Variants in LRP1B observed in about 807,000 individuals in gnomAD.
LRP1B encodes the protein low-density lipoprotein receptor-related protein 1B.
In LRP1B, 217 loss-of-function variants were observed where a neutral mutation model predicts 556.6. That is an observed-to-expected ratio of 0.39 (90% CI 0.35 to 0.44). LRP1B has a LOEUF of 0.44. Among genes scored for constraint, LRP1B ranks in the 20% least tolerant of loss-of-function variants. LRP1B has a pLI of 1.00. For missense variants in LRP1B, 5,053 were observed against 5,620.8 expected (o/e 0.90, Z 3.23); for synonymous variants, 2,047 against 1,865.8 (o/e 1.10, Z -2.50).
chr2:140,297,296 T>C (rs1212385946), intron 84 of LRP1B, among the ~76,000 whole-genome samples: 1 of 152,058 alleles, frequency 6.6e-6, no homozygotes, highest in Non-Finnish European at 1.5e-5. Flanking sequence ...GGAGAAAGCA[T>C]TGGAGGTTTC....
intron 2 of LRP1B, among the ~76,000 whole-genome samples, chr2:141,594,045 T>C (rs898208843): frequency 7.9e-5 from 12 of 152,118 alleles, no homozygotes; most frequent in African/African-American, 2.7e-4. Context: ...TACTCTGTCA[T>C]GCCCACCTTT....
At chr2:141,053,268 G>C (rs931822389) in intron 10 of LRP1B, among the ~76,000 whole-genome samples, 13 of 151,894 alleles carry the variant, frequency 8.6e-5, no homozygotes, top group Non-Finnish European at 1.5e-5. Context: ...TGAGGCAAAG[G>C]TCCCCTTTTT....
chr2:141,767,716 T>C (rs1432849985), intron 2 of LRP1B, among the ~76,000 whole-genome samples: 2 of 152,194 alleles, frequency 1.3e-5, no homozygotes, highest in Non-Finnish European at 2.9e-5. Context: ...ATTAAACTCA[T>C]AGCCTGTGGG....
At chr2:140,591,265 G>T (rs903457758) in intron 43 of LRP1B, among the ~76,000 whole-genome samples, 2 of 152,116 alleles carry the variant, frequency 1.3e-5, no homozygotes, top group Non-Finnish European at 2.9e-5. Flanking sequence ...TAATATACTT[G>T]ATTGCAATGT....
rs760075749 is a variant in LRP1B at position 140,495,569 on chromosome 2, G to C, written c.9030C>G (p.Leu3010=). Residue 3010 remains leucine, a synonymous_variant, in exon 56 of 91, where the codon CTC becomes CTG. Transcript: ENST00000389484. ...TGGGCAAGTTCAATTCGATACCTGA[G>C]AGCGATTTGCAGCCATTTGGGTTAT... The part of the protein sequence containing the change: ...QPDNPNGCKS[L]SDEEPFLILA... 2 of 1,581,028 alleles carry C rather than the reference G, an allele frequency of 1.3e-6. No individual in the cohort carries two copies. The highest frequency in any genetic ancestry group is 1.7e-5 in the Admixed American group (1 of 59,712).
chr2:141,429,174 T>A (rs1421909227), intron 3 of LRP1B, among the ~76,000 whole-genome samples: 1 of 152,172 alleles, frequency 6.6e-6, no homozygotes, highest in East Asian at 1.9e-4. Flanking sequence ...CTGTTGTTTC[T>A]GCCCAGTGAT....
chr2:140,315,207 A>G, intron 82 of LRP1B, 108 bp from the exon 83 acceptor site: 2 of 710,600 alleles, frequency 2.8e-6, no homozygotes, highest in Non-Finnish European at 4.3e-6. Context: ...GTTTCCATAA[A>G]ATAATTAACC....
intron 2 of LRP1B, among the ~76,000 whole-genome samples, chr2:141,731,964 C>A (rs1693290120): frequency 6.6e-6 from 1 of 152,054 alleles, no homozygotes; most frequent in Admixed American, 6.6e-5. Context: ...CATATGACAC[C>A]ACTCTATCCC....
chr2:140,568,683 T>G (rs1681213995), intron 43 of LRP1B, among the ~76,000 whole-genome samples: 1 of 152,084 alleles, frequency 6.6e-6, no homozygotes, highest in Admixed American at 6.6e-5. Context: ...TGAAGCACAT[T>G]CTAGTTAAAT....
intron 1 of LRP1B, among the ~76,000 whole-genome samples, chr2:142,117,025 C>T (rs1013524829): frequency 6.6e-6 from 1 of 152,056 alleles, no homozygotes; most frequent in African/African-American, 2.4e-5. Context: ...TTATTTCCTT[C>T]CACATTTCAC....
intron 2 of LRP1B, among the ~76,000 whole-genome samples, chr2:141,764,271 C>T (rs1694661948): frequency 6.6e-6 from 1 of 152,070 alleles, no homozygotes; most frequent in South Asian, 2.1e-4. Context: ...AGCTCCGCCT[C>T]CCGGGTTCAC....
intron 35 of LRP1B, among the ~76,000 whole-genome samples, chr2:140,731,500 T>C (rs921332870): frequency 6.6e-6 from 1 of 151,894 alleles, no homozygotes; most frequent in Non-Finnish European, 1.5e-5. Flanking sequence ...ATATTTTAGA[T>C]TATTGAATCA....
chr2:141,488,975 GT>G (rs70994432), intron 2 of LRP1B, among the ~76,000 whole-genome samples: 41 of 133,604 alleles, frequency 3.1e-4, no homozygotes, highest in South Asian at 7.2e-4. Flanking sequence ...GTTTTTTTTT[GT>G]TTGTTTGTTT....
chr2:141,638,668 A>G (rs1039040214), intron 2 of LRP1B, among the ~76,000 whole-genome samples: 1 of 113,696 alleles, frequency 8.8e-6, no homozygotes, highest in Non-Finnish European at 2.1e-5. Flanking sequence ...AAGTAGATTC[A>G]TTCCTGGACC....
intron 2 of LRP1B, among the ~76,000 whole-genome samples, chr2:141,737,345 C>G (rs1693515697): frequency 6.6e-6 from 1 of 152,118 alleles, no homozygotes. Flanking sequence ...GAGCAAAACT[C>G]TGTCTCAGAA....
intron 52 of LRP1B, among the ~76,000 whole-genome samples, chr2:140,508,187 C>CT (rs1240882978): frequency 6.6e-6 from 1 of 152,112 alleles, no homozygotes; most frequent in East Asian, 1.9e-4. Context: ...TTAATAAGCA[C>CT]TTTTCTCTAC....
chr2:140,958,269 A>T (rs2105311261), intron 18 of LRP1B, among the ~76,000 whole-genome samples: 1 of 151,718 alleles, frequency 6.6e-6, no homozygotes, highest in Admixed American at 6.6e-5. Flanking sequence ...TTGAAATCTG[A>T]TAGGGAATAT....
intron 18 of LRP1B, among the ~76,000 whole-genome samples, chr2:140,966,991 T>C (rs2105323367): frequency 6.6e-6 from 1 of 152,338 alleles, no homozygotes; most frequent in East Asian, 1.9e-4. Flanking sequence ...CCTCCAGCTT[T>C]GTTCTTTTGC....
intron 1 of LRP1B, among the ~76,000 whole-genome samples, chr2:142,053,403 T>A (rs908814879): frequency 6.6e-6 from 1 of 152,118 alleles, no homozygotes; most frequent in Non-Finnish European, 1.5e-5. Flanking sequence ...AGCTATAAAA[T>A]ACAACTCTTA....
Sources: allele counts gnomAD v4.1 joint callset (sites outside exome capture counted in the v4.1 genomes callset), GRCh38; gene constraint gnomAD v4.1.1; transcripts MANE v1.5; gene names NCBI Gene and HGNC (gene_info 2026-07-23, HGNC 2026-07-21).